The following FBXL18 variants were observed in gnomAD, a reference collection of about 807,000 sequenced individuals.
FBXL18 encodes F-box and leucine rich repeat protein 18.
FBXL18 carries 36 observed loss-of-function variants against 46.0 expected under a neutral mutation model. That is an observed-to-expected ratio of 0.78 (90% CI 0.60 to 1.03). The LOEUF (loss-of-function observed/expected upper bound fraction) is 1.03. Among genes scored for constraint, FBXL18 ranks in the 50% least tolerant of loss-of-function variants. The pLI is 0.00. For synonymous variants in FBXL18, 557 were observed against 465.3 expected, an observed-to-expected ratio of 1.20 and a Z score of -2.54; for missense variants, 977 against 1,004.1, an observed-to-expected ratio of 0.97 and a Z score of 0.36.
chr7:5,463,148 C>T (rs995556562), intron 4 of FBXL18, among the ~76,000 whole-genome samples: 1 of 150,846 alleles, frequency 6.6e-6, no homozygotes, highest in African/African-American at 2.4e-5. Flanking sequence ...AGACAGAAAA[C>T]AGCAAGTGTT....
intron 1 of FBXL18, among the ~76,000 whole-genome samples, chr7:5,508,821 G>C (rs553558590): frequency 2.3e-4 from 35 of 152,208 alleles, no homozygotes; most frequent in African/African-American, 7.9e-4. Flanking sequence ...CCAGTTTGCA[G>C]ATTTATGAAA....
chr7:5,513,705 G>C lies in FBXL18; in HGVS notation c.-31C>G. The C allele has an allele frequency of 6.3e-7, 1 of 1,595,918 alleles. No homozygotes were observed. Among genetic ancestry groups the C allele is most frequent in the Non-Finnish European group, 8.5e-7 (1 of 1,171,682 alleles). On this transcript the variant is annotated 5_prime_UTR_variant, in exon 1 of 5. It adds an upstream start codon to the 5' untranslated region. Coordinates refer to ENST00000382368, the MANE Select transcript of FBXL18 (RefSeq NM_024963.6). ...CGGCGGGTCCGAACCGCGGCCGCGG[G>C]ATCCGCAACCCCGTGCCTCCCACCT...
intron 4 of FBXL18, chr7:5,489,822 G>A (rs1288352308): frequency 8.2e-6 from 3 of 366,294 alleles, no homozygotes; most frequent in South Asian, 4.6e-5. Flanking sequence ...CAGGTATAGT[G>A]GTGCACACTT....
At chr7:5,458,639 G>A (rs1783204025) in intron 4 of FBXL18, among the ~76,000 whole-genome samples, 2 of 151,844 alleles carry the variant, frequency 1.3e-5, no homozygotes, top group South Asian at 4.2e-4. Flanking sequence ...AGAGGTTGCA[G>A]TGAGCCAAGA....
intron 3 of FBXL18, among the ~76,000 whole-genome samples, chr7:5,499,128 A>C (rs1784162330): frequency 6.6e-6 from 1 of 152,000 alleles, no homozygotes. Flanking sequence ...TCCTAGTCCC[A>C]AGGACCATCA....
At position 5,458,084 on chromosome 7, in the gene FBXL18, AAAC is replaced by A. The variant is rs1175160924; in HGVS notation, c.2001-10244_2001-10242del. On this transcript the variant is annotated intron_variant and NMD_transcript_variant, in intron 4 of 6. Coordinates refer to the FBXL18 transcript ENST00000415009. ...TTCATTTCACTTCCTTAAAAAAAAA[AAAC>A]AACCCCAAAACCTTAAACCACAAAC... Among the ~76,000 whole-genome samples the A allele has an allele frequency of 5.3e-5, 8 of 152,080 alleles. No individual in the cohort carries two copies. The East Asian group carries it at 7.7e-4, about 15-fold the overall frequency.
In FBXL18 at chr7:5,481,533, C is replaced by G. The variant is rs1473221229; in HGVS notation, c.*242G>C. On this transcript the variant is annotated 3_prime_UTR_variant, in exon 5 of 5. Coordinates refer to ENST00000382368, the MANE Select transcript of FBXL18 (RefSeq NM_024963.6). ...GGTCAGCCTGGTTCAGCCAGCCCCC[C>G]ACATCGACCGTCCCCCGAGCCCCCT... The G allele has an allele frequency of 6.4e-6, 3 of 470,758 alleles. No homozygotes were observed. Among genetic ancestry groups the G allele is most frequent in the Admixed American group, 3.7e-5 (1 of 27,118 alleles). 29.2% of individuals were successfully genotyped at this position (470,758 alleles called of 1,614,324 possible).
At chr7:5,502,965 G>C (rs1264952539) in intron 2 of FBXL18, among the ~76,000 whole-genome samples, 1 of 152,148 alleles carries the variant, frequency 6.6e-6, no homozygotes, top group African/African-American at 2.4e-5. Flanking sequence ...TCCCTACTCT[G>C]TGCCTGTTCA....
intron 4 of FBXL18, among the ~76,000 whole-genome samples, chr7:5,464,701 A>T (rs1292442673): frequency 1.2e-4 from 2 of 17,048 alleles, no homozygotes; most frequent in East Asian, 0.022. Context: ...ATGGTTAATT[A>T]AAAAAAAAAA....
At chr7:5,458,785 C>G (rs796917870) in intron 4 of FBXL18, among the ~76,000 whole-genome samples, 1 of 152,128 alleles carries the variant, frequency 6.6e-6, no homozygotes, top group Non-Finnish European at 1.5e-5. Context: ...CACTTGAACC[C>G]GGAGGCAAAC....
chr7:5,500,317 C>T (rs1246948353), intron 3 of FBXL18, among the ~76,000 whole-genome samples, 171 bp downstream of exon 3: 1 of 152,132 alleles, frequency 6.6e-6, no homozygotes, highest in Non-Finnish European at 1.5e-5. Flanking sequence ...CCCCCAGCTC[C>T]TCTAGATGCC....
At chr7:5,486,524 GCA>G (rs1783781303) in intron 4 of FBXL18, among the ~76,000 whole-genome samples, 1 of 151,806 alleles carries the variant, frequency 6.6e-6, no homozygotes. Context: ...GTGGTGGCGT[GCA>G]CCTGTAGTCC....
intron 2 of FBXL18, 130 bp downstream of exon 2, chr7:5,505,282 G>A (rs996281490): frequency 5.5e-5 from 44 of 806,094 alleles, no homozygotes; most frequent in African/African-American, 1.4e-4. Flanking sequence ...TCCTGCAGAC[G>A]GCGCCAGTCA....
chr7:5,474,497 G>A (rs1343056468), downstream of FBXL18, among the ~76,000 whole-genome samples: 1 of 151,572 alleles, frequency 6.6e-6, no homozygotes, highest in Non-Finnish European at 1.5e-5. Flanking sequence ...TGTACTTTTT[G>A]TAGAGACAAG....
In FBXL18 at chr7:5,500,838, A is replaced by G. The variant is rs1784221817; in HGVS notation, c.1431T>C (p.Ser477=). ...CCAGGAAGGGCAGGTTCTTCAGCAG[A>G]GACCAGAACACGGAGGAGGGCTGGG... The part of the protein sequence containing the change: ...ACPQPSSVFW[S]LLKNLPFLEH... Residue 477 remains serine, a synonymous_variant, in exon 3 of 5, where the codon TCT becomes TCC. Coordinates refer to ENST00000382368, the MANE Select transcript of FBXL18 (RefSeq NM_024963.6). The G allele has an allele frequency of 3.1e-6, 5 of 1,611,252 alleles. No individual in the cohort carries two copies. The highest frequency in any genetic ancestry group is 1.3e-5 in the African/African-American group (1 of 75,024).
downstream of FBXL18, among the ~76,000 whole-genome samples, chr7:5,471,172 C>A (rs1208750221): frequency 6.6e-6 from 1 of 152,216 alleles, no homozygotes; most frequent in Non-Finnish European, 1.5e-5. Context: ...AGTTCAACGC[C>A]CGCAATAAAT....
intron 4 of FBXL18, among the ~76,000 whole-genome samples, chr7:5,459,972 C>G (rs140318862): frequency 2.6e-5 from 4 of 152,036 alleles, no homozygotes; most frequent in African/African-American, 7.2e-5. Context: ...AGTCACGCAG[C>G]CTTTTGGCCA....
chr7:5,503,966 CAA>C (rs61075870), intron 2 of FBXL18, among the ~76,000 whole-genome samples: 14 of 116,084 alleles, frequency 1.2e-4, no homozygotes, highest in Non-Finnish European at 1.1e-4. Flanking sequence ...GACCTCGTTT[CAA>C]AAAAAAAAAA....
In FBXL18 at chr7:5,494,071, G is replaced by A. The variant is rs1412156305; in HGVS notation, c.1782-2622C>T. The stretch of plus-strand genomic sequence containing the variant: ...GCAGATCACCTGAAATCGGGAGTTT[G>A]AGACCAGCCTGACCAACATGGAAAA... On this transcript the variant is annotated intron_variant, in intron 3 of 4. Coordinates refer to ENST00000382368, the MANE Select transcript of FBXL18 (RefSeq NM_024963.6). 2.6e-5 allele frequency among the ~76,000 whole-genome samples: 4 copies of A among 152,080 alleles called. No individual in the cohort carries two copies. In the East Asian group the frequency reaches 7.8e-4, roughly 30 times the overall value.
Sources: gnomAD v4.1 joint callset for allele counts (sites outside exome capture counted in the v4.1 genomes callset) on GRCh38, gnomAD v4.1.1 for gene constraint, MANE v1.5 for transcripts, NCBI Gene and HGNC (gene_info 2026-07-23, HGNC 2026-07-21) for gene names.